RPAP2: variants seen among roughly 807,000 people sequenced by gnomAD.
RPAP2 encodes the protein putative RNA polymerase II subunit B1 CTD phosphatase RPAP2.
In RPAP2, 52 loss-of-function variants were observed where a neutral mutation model predicts 73.1. The ratio of observed to expected loss-of-function variants is 0.71; its 90% CI spans 0.57 to 0.90. The LOEUF is 0.90. RPAP2 is among the 40% of genes least tolerant of loss of function. The probability of loss-of-function intolerance (pLI) is 0.00; values close to 1 mark genes in which losing one functional copy is unlikely to be tolerated. For synonymous variants in RPAP2, 225 were observed against 242.1 expected (o/e 0.93, Z 0.65); for missense variants, 598 against 701.8 (o/e 0.85, Z 1.67).
At chr1:92,357,315 A>T (rs910887327) in intron 11 of RPAP2, among the ~76,000 whole-genome samples, 26 of 152,204 alleles carry the variant, frequency 1.7e-4, no homozygotes, top group African/African-American at 6.0e-4. Flanking sequence ...AAAAGGCACA[A>T]AATATTGTTG....
At chr1:92,325,910 A>G (rs1395053200) in intron 8 of RPAP2, among the ~76,000 whole-genome samples, 2 of 152,106 alleles carry the variant, frequency 1.3e-5, no homozygotes, top group Non-Finnish European at 2.9e-5. Context: ...GTATTCCATT[A>G]TATAAATATA....
chr1:92,338,713 C>T (rs959223489), intron 10 of RPAP2, among the ~76,000 whole-genome samples: 9 of 148,006 alleles, frequency 6.1e-5, no homozygotes, highest in Non-Finnish European at 1.3e-4. Flanking sequence ...TTCAGTGATG[C>T]GATCATGGCT....
intron 8 of RPAP2, among the ~76,000 whole-genome samples, chr1:92,325,145 A>G (rs1035472319): frequency 1.3e-5 from 2 of 152,284 alleles, no homozygotes; most frequent in South Asian, 4.1e-4. Flanking sequence ...TAGTATTTCT[A>G]CTACCCATCT....
chr1:92,299,937 C>T (rs1244135612), intron 1 of RPAP2, among the ~76,000 whole-genome samples: 2 of 152,092 alleles, frequency 1.3e-5, no homozygotes, highest in East Asian at 3.9e-4. Context: ...CTTGTGTGAC[C>T]ATCATCGAGT....
chr1:92,304,594 G>C (rs897664351), intron 5 of RPAP2, among the ~76,000 whole-genome samples: 1 of 152,060 alleles, frequency 6.6e-6, no homozygotes, highest in African/African-American at 2.4e-5. Context: ...GTGCATATTG[G>C]CACAAATCTG....
intron 11 of RPAP2, among the ~76,000 whole-genome samples, chr1:92,360,707 G>A (rs959985819): frequency 6.6e-6 from 1 of 152,044 alleles, no homozygotes; most frequent in Non-Finnish European, 1.5e-5. Context: ...TGCCTTAAAT[G>A]TCAGTGTTAT....
In RPAP2 at chr1:92,334,631, T is replaced by A. The variant is rs575586529; in HGVS notation, c.1538+1158T>A. ...GGGAGGCTGAGGCAAGGGGATCACC[T>A]GAAGCCAGGAGTTCAAGACCAGCCT... On this transcript the variant is annotated intron_variant, in intron 9 of 12. Coordinates refer to ENST00000610020, the MANE Select transcript of RPAP2 (RefSeq NM_024813.3). Among the ~76,000 whole-genome samples the A allele has an allele frequency of 7.2e-5, 11 of 152,114 alleles. No homozygotes were observed. In the South Asian group the frequency reaches 1.2e-3, roughly 17 times the overall value.
chr1:92,381,762 A>T (rs956632122), intron 12 of RPAP2, among the ~76,000 whole-genome samples: 2 of 151,066 alleles, frequency 1.3e-5, no homozygotes, highest in South Asian at 2.1e-4. Flanking sequence ...TTATTTTATT[A>T]TTTTTTTTAA....
In RPAP2 at chr1:92,333,255, C is replaced by G. The variant is rs952706696; in HGVS notation, c.1456-136C>G. 1.1e-5 allele frequency: 7 copies of G among 635,674 alleles called. No homozygotes were observed. In the Admixed American group the frequency reaches 1.1e-4, roughly 10 times the overall value. 39.4% of individuals were successfully genotyped at this position (635,674 alleles called of 1,614,324 possible). ...ACTGAGTTGATACTCAAATTTAAAT[C>G]TAATTCTCAAGTCTAGTTATTTTCC... On this transcript the variant is annotated intron_variant, in intron 8 of 12. Transcript: ENST00000610020.
At chr1:92,383,079 A>G (rs1655716040) in intron 12 of RPAP2, among the ~76,000 whole-genome samples, 1 of 152,236 alleles carries the variant, frequency 6.6e-6, no homozygotes, top group Non-Finnish European at 1.5e-5. Context: ...AGATAGTTGC[A>G]GATATGCGGC....
Position 92,307,251 on chromosome 1 carries a change from CCAGTATGGG to C in RPAP2, c.464_472del (p.Pro155_Val158delinsLeu). ...TTTTGAAGCACAAATTCCCAAAACT[CCAGTATGGG>C]TTCGAGAAGAAGAGAGGTAATTTAA... On this transcript the variant is annotated inframe_deletion, in exon 6 of 13. Coordinates refer to ENST00000610020, the MANE Select transcript of RPAP2 (RefSeq NM_024813.3). 6.2e-7 allele frequency: 1 copy of C among 1,611,688 alleles called. No individual in the cohort carries two copies. The highest frequency in any genetic ancestry group is 8.5e-7 in the Non-Finnish European group (1 of 1,178,602).
chr1:92,309,566 TACAC>T (rs1404710451), intron 6 of RPAP2, among the ~76,000 whole-genome samples: 26 of 24,880 alleles, frequency 1.0e-3, no homozygotes, highest in East Asian at 8.8e-3. Flanking sequence ...CACATACACA[TACAC>T]ATATACATAT....
chr1:92,343,864 T>C (rs1483296251), intron 10 of RPAP2, among the ~76,000 whole-genome samples: 1 of 152,190 alleles, frequency 6.6e-6, no homozygotes, highest in Non-Finnish European at 1.5e-5. Context: ...GTGGTCCAGA[T>C]AGGCCTTATT....
chr1:92,307,078 T>C, intron 5 of RPAP2, 110 bp from the exon 6 acceptor site: 1 of 724,360 alleles, frequency 1.4e-6, no homozygotes, highest in South Asian at 2.1e-5. Context: ...GGTAGATCTG[T>C]AGGTTTCCAT....
At chr1:92,299,750 T>C (rs533123675) in intron 1 of RPAP2, among the ~76,000 whole-genome samples, 1 of 152,344 alleles carries the variant, frequency 6.6e-6, no homozygotes, top group South Asian at 2.1e-4. Flanking sequence ...TCATTTTGAT[T>C]TACACACGAT....
intron 6 of RPAP2, among the ~76,000 whole-genome samples, chr1:92,312,941 C>T (rs1054612521): frequency 1.3e-5 from 2 of 152,142 alleles, no homozygotes; most frequent in Admixed American, 6.5e-5. Flanking sequence ...TCTCAGCTCA[C>T]TGCAACCTCT....
At chr1:92,301,408 G>A (rs1334852526) in intron 2 of RPAP2, 68 bp from the exon 3 acceptor site, 1 of 769,164 alleles carries the variant, frequency 1.3e-6, no homozygotes, top group African/African-American at 1.8e-5. Context: ...GGTTAGTATT[G>A]TATTTTAAAA....
At chr1:92,347,323 A>T (rs1056238452) in intron 11 of RPAP2, among the ~76,000 whole-genome samples, 2 of 152,128 alleles carry the variant, frequency 1.3e-5, no homozygotes, top group African/African-American at 2.4e-5. Flanking sequence ...GTCACTGGCA[A>T]AGAAAATATC....
At chr1:92,334,596 C>T (rs1653163041) in intron 9 of RPAP2, among the ~76,000 whole-genome samples, 1 of 151,984 alleles carries the variant, frequency 6.6e-6, no homozygotes, top group Non-Finnish European at 1.5e-5. Context: ...GCCTGTAATC[C>T]CAGAACTTTG....
Sources: gnomAD v4.1 joint callset for allele counts (sites outside exome capture counted in the v4.1 genomes callset) on GRCh38, gnomAD v4.1.1 for gene constraint, MANE v1.5 for transcripts, NCBI Gene and HGNC (gene_info 2026-07-23, HGNC 2026-07-21) for gene names.